MTA3: variants seen among roughly 807,000 people sequenced by gnomAD.
MTA3 encodes the protein metastasis-associated protein MTA3.
MTA3 carries 34 observed loss-of-function variants against 83.5 expected under a neutral mutation model. The observed-to-expected ratio is 0.41, with a 90% CI of 0.31 to 0.54. The LOEUF (loss-of-function observed/expected upper bound fraction) is 0.54, where lower values mean the gene tolerates loss of function less well. MTA3 is among the 20% of genes least tolerant of loss of function. The pLI is 0.33. For missense variants in MTA3, 761 were observed against 726.4 expected, an observed-to-expected ratio of 1.05 and a Z score of -0.55; for synonymous variants, 303 against 252.7, an observed-to-expected ratio of 1.20 and a Z score of -1.89.
intron 4 of MTA3, 70 bp downstream of exon 4, chr2:42,609,654 G>T: frequency 6.7e-7 from 1 of 1,489,828 alleles, no homozygotes; most frequent in South Asian, 1.4e-5. Flanking sequence ...TCTTTGAAGC[G>T]TTTTCCAGAC....
intron 12 of MTA3, among the ~76,000 whole-genome samples, chr2:42,705,152 T>C (rs1482246440): frequency 6.6e-6 from 1 of 152,174 alleles, no homozygotes; most frequent in East Asian, 1.9e-4. Flanking sequence ...ATTACGTCGA[T>C]TGATCCCAAG....
At chr2:42,669,036 G>T (rs1330916839) in intron 8 of MTA3, among the ~76,000 whole-genome samples, 1 of 151,768 alleles carries the variant, frequency 6.6e-6, no homozygotes, top group Non-Finnish European at 1.5e-5. Flanking sequence ...GGGCCTTGTG[G>T]GTACTGGGAA....
In MTA3 at chr2:42,753,733, G is replaced by A; in HGVS notation, c.*334G>A. On this transcript the variant is annotated 3_prime_UTR_variant, in exon 17 of 17. Transcript: ENST00000405094. Reference sequence around the variant, plus strand: ...CCCCACCCAGCAACAGCGGCCACTTGGCAGTGGGGCTGCTGCAAGCTCAGA... The same window carrying A: ...CCCCACCCAGCAACAGCGGCCACTTAGCAGTGGGGCTGCTGCAAGCTCAGA... 1 of 1,164,698 alleles carries A rather than the reference G, an allele frequency of 8.6e-7. No homozygotes were observed. The highest frequency in any genetic ancestry group is 1.1e-6 in the Non-Finnish European group (1 of 937,118). The allele number at this position is 1,164,698 out of a possible 1,614,324, so 72.1% of individuals were successfully genotyped here.
chr2:42,594,705 C>CATATATAT lies in MTA3; in HGVS notation c.191-14736_191-14729dup, dbSNP rs1167117095. Among the ~76,000 whole-genome samples the CATATATAT allele has an allele frequency of 2.6e-3, 120 of 46,430 alleles. 4 individuals are homozygous for CATATATAT. The highest frequency in any genetic ancestry group is 4.8e-3 in the African/African-American group (46 of 9,672). The allele number at this position is 46,430 out of a possible 152,430, so 30.5% of individuals were successfully genotyped here. ...ATACATATATACATATATAAATATA[C>CATATATAT]ATATATATATATATATATATATATT... On this transcript the variant is annotated intron_variant, in intron 3 of 16. Coordinates refer to ENST00000405094, the MANE Select transcript of MTA3 (RefSeq NM_001330442.2).
chr2:42,528,861 G>A (rs1041524009), intron 2 of MTA3, among the ~76,000 whole-genome samples: 1 of 152,252 alleles, frequency 6.6e-6, no homozygotes, highest in African/African-American at 2.4e-5. Context: ...TGTGTGGTCA[G>A]AGAATTTATG....
chr2:42,506,797 G>T (rs1001901881), intron 2 of MTA3, among the ~76,000 whole-genome samples: 2 of 151,898 alleles, frequency 1.3e-5, no homozygotes, highest in African/African-American at 2.4e-5. Flanking sequence ...TAGTAGAGAC[G>T]GGTTTCACCA....
At chr2:42,695,008 T>C (rs950109721) in intron 9 of MTA3, among the ~76,000 whole-genome samples, 6 of 152,022 alleles carry the variant, frequency 3.9e-5, no homozygotes, top group Non-Finnish European at 8.8e-5. Context: ...GGGCATGGTG[T>C]CACACCTATA....
intron 16 of MTA3, among the ~76,000 whole-genome samples, chr2:42,746,224 A>G (rs1193864418): frequency 6.6e-6 from 1 of 152,188 alleles, no homozygotes; most frequent in Non-Finnish European, 1.5e-5. Flanking sequence ...ATTTTTAACA[A>G]ACTTTTTTTC....
At chr2:42,540,213 A>C (rs1339619943) in intron 2 of MTA3, among the ~76,000 whole-genome samples, 3 of 136,208 alleles carry the variant, frequency 2.2e-5, no homozygotes, top group African/African-American at 5.6e-5. Context: ...TCACTCTGTC[A>C]CTCAGGGTGT....
At chr2:42,638,834 C>T (rs997701732) in intron 4 of MTA3, among the ~76,000 whole-genome samples, 1 of 150,734 alleles carries the variant, frequency 6.6e-6, no homozygotes, top group African/African-American at 2.4e-5. Flanking sequence ...CACATGCTCT[C>T]AAAGAAAGCT....
At chr2:42,517,879 A>AAAAAG (rs1553336635) in intron 2 of MTA3, among the ~76,000 whole-genome samples, 212 of 151,052 alleles carry the variant, frequency 1.4e-3, no homozygotes, top group African/African-American at 5.0e-3. Context: ...AAAAAAAAAA[A>AAAAAG]AAGAAGAAAA....
intron 4 of MTA3, among the ~76,000 whole-genome samples, chr2:42,639,273 A>T (rs1687485495): frequency 6.6e-6 from 1 of 151,970 alleles, no homozygotes; most frequent in South Asian, 2.1e-4. Flanking sequence ...TTGTTTTTGC[A>T]TGTTGGCTTT....
rs546900052 is a variant in MTA3, at chr2:42,622,240, C to CA, written c.317+12664dup. On this transcript the variant is annotated intron_variant, in intron 4 of 16. Transcript: ENST00000405094. ...CAACACAGCGAAACCCCGTCTCCACCAAAAAAAATACGAAAACCAGTCAGG... is the reference window on the plus strand; with the variant it reads ...CAACACAGCGAAACCCCGTCTCCACCAAAAAAAAATACGAAAACCAGTCAGG... Among the ~76,000 whole-genome samples the CA allele has an allele frequency of 1.8e-3, 276 of 151,906 alleles. 5 individuals are homozygous for CA. In the East Asian group the frequency reaches 0.04, roughly 22 times the overall value.
intron 4 of MTA3, among the ~76,000 whole-genome samples, chr2:42,617,962 A>G (rs1184663315): frequency 6.6e-6 from 1 of 151,892 alleles, no homozygotes; most frequent in African/African-American, 2.4e-5. Context: ...AAATTTAAAT[A>G]GAGATGTGGT....
chr2:42,559,805 C>CG (rs1259724316), intron 2 of MTA3, among the ~76,000 whole-genome samples: 2 of 96,604 alleles, frequency 2.1e-5, no homozygotes, highest in Admixed American at 1.3e-4. Flanking sequence ...GAACCCGGGG[C>CG]GGGGGGCGGG....
intron 9 of MTA3, among the ~76,000 whole-genome samples, chr2:42,685,899 T>A (rs1692326447): frequency 6.6e-6 from 1 of 152,228 alleles, no homozygotes; most frequent in African/African-American, 2.4e-5. Context: ...GAAAATAAAA[T>A]GCAAATAATG....
At chr2:42,601,462 G>A (rs1682564958) in intron 3 of MTA3, among the ~76,000 whole-genome samples, 1 of 152,200 alleles carries the variant, frequency 6.6e-6, no homozygotes, top group Non-Finnish European at 1.5e-5. Flanking sequence ...TAAGCACTGA[G>A]CACTGCCTTG....
At chr2:42,561,039 A>G (rs1344761964) in intron 2 of MTA3, among the ~76,000 whole-genome samples, 1 of 152,004 alleles carries the variant, frequency 6.6e-6, no homozygotes, top group African/African-American at 2.4e-5. Flanking sequence ...TCCTGACCCT[A>G]TTCACCTCCC....
intron 6 of MTA3, among the ~76,000 whole-genome samples, chr2:42,650,505 T>A (rs10195120): frequency 8.7e-4 from 133 of 152,244 alleles, no homozygotes; most frequent in African/African-American, 3.1e-3. Flanking sequence ...AGTGGCACGA[T>A]CTCGGTTCAC....
Sources: gnomAD v4.1 joint callset for allele counts (sites outside exome capture counted in the v4.1 genomes callset) on GRCh38, gnomAD v4.1.1 for gene constraint, MANE v1.5 for transcripts, NCBI Gene and HGNC (gene_info 2026-07-23, HGNC 2026-07-21) for gene names.